Variants in SLC10A7 observed in about 807,000 individuals in gnomAD.
The protein encoded by SLC10A7 is sodium/bile acid cotransporter 7.
In SLC10A7, 29 loss-of-function variants were observed where a neutral mutation model predicts 43.2. That is an observed-to-expected ratio of 0.67 (90% confidence interval 0.50 to 0.92). SLC10A7 has a LOEUF of 0.92. Ranked by LOEUF, SLC10A7 falls within the 40% of genes least tolerant of loss-of-function variation. The probability of loss-of-function intolerance (pLI) is 0.00; values close to 1 mark genes in which losing one functional copy is unlikely to be tolerated. For missense variants in SLC10A7, 295 were observed against 403.2 expected (o/e 0.73, Z 2.30); for synonymous variants, 152 against 144.8 (o/e 1.05, Z -0.35).
chr4:146,504,414 G>A (rs1349203857), intron 3 of SLC10A7, among the ~76,000 whole-genome samples: 1 of 151,630 alleles, frequency 6.6e-6, no homozygotes, highest in Non-Finnish European at 1.5e-5. Context: ...AGCCACTCAG[G>A]AGGTTGAGGC....
intron 5 of SLC10A7, among the ~76,000 whole-genome samples, chr4:146,412,147 C>T (rs1408444445): frequency 9.1e-6 from 1 of 109,968 alleles, no homozygotes; most frequent in African/African-American, 3.1e-5. Context: ...TCACTCTGTC[C>T]ATCTAGCCAA....
chr4:146,320,739 CA>C (rs572713217), intron 6 of SLC10A7, among the ~76,000 whole-genome samples: 137 of 152,142 alleles, frequency 9.0e-4, no homozygotes, highest in Non-Finnish European at 1.6e-3. Context: ...AAGATGCTAA[CA>C]TTTTTTTTGG....
At chr4:146,416,492 G>A (rs1433592427) in intron 5 of SLC10A7, among the ~76,000 whole-genome samples, 6 of 152,266 alleles carry the variant, frequency 3.9e-5, no homozygotes, top group African/African-American at 1.4e-4. Context: ...ACTCTGCTAG[G>A]ATATCAATGA....
intron 9 of SLC10A7, among the ~76,000 whole-genome samples, chr4:146,284,249 G>A (rs902013494): frequency 1.3e-5 from 2 of 152,104 alleles, no homozygotes; most frequent in African/African-American, 4.8e-5. Context: ...AAATGTTCTA[G>A]AAACTGACTC....
At chr4:146,356,032 A>C (rs1031795601) in intron 5 of SLC10A7, among the ~76,000 whole-genome samples, 1 of 72,234 alleles carries the variant, frequency 1.4e-5, no homozygotes, top group African/African-American at 5.5e-5. Context: ...TAAAACTTAA[A>C]GTATAATAAA....
chr4:146,290,138 C>T (rs1257367767), intron 9 of SLC10A7, among the ~76,000 whole-genome samples: 1 of 150,674 alleles, frequency 6.6e-6, no homozygotes, highest in African/African-American at 2.4e-5. Flanking sequence ...TCCTGGCTAA[C>T]ATGCTGAAAC....
At chr4:146,263,482 G>GA (rs899596503) in intron 10 of SLC10A7, among the ~76,000 whole-genome samples, 14 of 150,560 alleles carry the variant, frequency 9.3e-5, no homozygotes, top group South Asian at 4.2e-4. Flanking sequence ...TTGTTAATTA[G>GA]AAAAAAAAAG....
intron 7 of SLC10A7, among the ~76,000 whole-genome samples, chr4:146,298,913 A>C (rs1334435176): frequency 6.6e-6 from 1 of 152,216 alleles, no homozygotes; most frequent in Admixed American, 6.5e-5. Flanking sequence ...AGTGAGGAAG[A>C]CCAAACTACA....
At chr4:146,367,412 G>T (rs756325585) in intron 5 of SLC10A7, among the ~76,000 whole-genome samples, 1 of 152,046 alleles carries the variant, frequency 6.6e-6, no homozygotes, top group Non-Finnish European at 1.5e-5. Context: ...ACTAAGGAAT[G>T]AAATTCTAAA....
At chr4:146,305,266 T>C (rs1247655362) in intron 7 of SLC10A7, among the ~76,000 whole-genome samples, 1 of 151,430 alleles carries the variant, frequency 6.6e-6, no homozygotes. Flanking sequence ...TGAGTTCATG[T>C]CCTTTGTAGG....
At chr4:146,380,564 A>G (rs530005706) in intron 5 of SLC10A7, among the ~76,000 whole-genome samples, 6 of 152,250 alleles carry the variant, frequency 3.9e-5, no homozygotes, top group Admixed American at 2.6e-4. Flanking sequence ...CAATTCAAAA[A>G]CTACTTTTTG....
chr4:146,422,474 A>T (rs1729031840), intron 5 of SLC10A7, among the ~76,000 whole-genome samples: 1 of 152,194 alleles, frequency 6.6e-6, no homozygotes, highest in Non-Finnish European at 1.5e-5. Flanking sequence ...GTAAAGATTA[A>T]TATTTAGAAA....
chr4:146,308,611 C>A (rs1731747758), intron 6 of SLC10A7, among the ~76,000 whole-genome samples: 1 of 152,072 alleles, frequency 6.6e-6, no homozygotes, highest in African/African-American at 2.4e-5. Context: ...TTATGAGAAG[C>A]AGCAATAATT....
chr4:146,371,846 C>CTAT (rs1367174611), intron 5 of SLC10A7, among the ~76,000 whole-genome samples: 2 of 152,064 alleles, frequency 1.3e-5, no homozygotes, highest in East Asian at 1.9e-4. Context: ...ACCTATAGAC[C>CTAT]TATTATTATT....
At chr4:146,441,888 T>A (rs1226960531) in intron 5 of SLC10A7, 1 of 982,962 alleles carries the variant, frequency 1.0e-6, no homozygotes, top group South Asian at 4.7e-5. Context: ...TTTAAATACA[T>A]ACAATAATAA....
chr4:146,452,948 CTT>C (rs1421799778), intron 4 of SLC10A7, among the ~76,000 whole-genome samples: 2 of 151,598 alleles, frequency 1.3e-5, no homozygotes, highest in African/African-American at 2.4e-5. Context: ...AATTTTAATT[CTT>C]TGTTTTAAAA....
At chr4:146,442,540 A>C (rs547666170) in intron 5 of SLC10A7, 50 of 1,340,770 alleles carry the variant, frequency 3.7e-5, no homozygotes, top group Middle Eastern at 2.9e-4. Flanking sequence ...ATAGTGTTTT[A>C]ATTGATTCCT....
chr4:146,403,176 G>A (rs1739340058), intron 5 of SLC10A7, among the ~76,000 whole-genome samples: 1 of 152,168 alleles, frequency 6.6e-6, no homozygotes, highest in Non-Finnish European at 1.5e-5. Context: ...ATATACAGGT[G>A]CAGATTTAGT....
intron 4 of SLC10A7, among the ~76,000 whole-genome samples, chr4:146,491,183 A>G (rs1350122078): frequency 6.6e-6 from 1 of 152,026 alleles, no homozygotes; most frequent in Admixed American, 6.6e-5. Context: ...GATACGGGGG[A>G]TGAGGAGGTC....
Sources: allele counts gnomAD v4.1 joint callset (sites outside exome capture counted in the v4.1 genomes callset), GRCh38; gene constraint gnomAD v4.1.1; transcripts MANE v1.5; gene names NCBI Gene and HGNC (gene_info 2026-07-23, HGNC 2026-07-21).